The following RELN variants were observed in gnomAD, a reference collection of about 807,000 sequenced individuals.
The protein encoded by RELN is reelin.
In RELN, 108 loss-of-function variants were observed where a neutral mutation model predicts 427.6. The ratio of observed to expected loss-of-function variants is 0.25; its 90% CI spans 0.22 to 0.30. The LOEUF is 0.30. Among genes scored for constraint, RELN ranks in the 10% least tolerant of loss-of-function variants. RELN has a pLI of 1.00. For missense variants in RELN, 3,715 were observed against 4,302.8 expected (o/e 0.86, Z 3.82); for synonymous variants, 1,524 against 1,513.4 (o/e 1.01, Z -0.16).
chr7:103,971,438 A>G (rs1476276978), intron 1 of RELN, among the ~76,000 whole-genome samples: 1 of 152,234 alleles, frequency 6.6e-6, no homozygotes, highest in Non-Finnish European at 1.5e-5. Flanking sequence ...TTTAACAGAT[A>G]ATTCATACAC....
chr7:103,601,419 A>T (rs1375654034), intron 24 of RELN, among the ~76,000 whole-genome samples: 4 of 152,164 alleles, frequency 2.6e-5, no homozygotes, highest in Non-Finnish European at 5.9e-5. Flanking sequence ...CTTCACCTGC[A>T]TTAAAACAAA....
At chr7:103,597,827 A>G (rs1831573401) in intron 24 of RELN, among the ~76,000 whole-genome samples, 1 of 152,210 alleles carries the variant, frequency 6.6e-6, no homozygotes, top group African/African-American at 2.4e-5. Context: ...GGTGTCAGAC[A>G]GAAATTAACA....
rs191502740 is a variant in RELN, at chr7:103,898,731, G to A, written c.337+18344C>T. Among the ~76,000 whole-genome samples the A allele has an allele frequency of 2.6e-5, 4 of 152,100 alleles. No individual in the cohort carries two copies. The East Asian group carries it at 5.8e-4, about 22-fold the overall frequency. On this transcript the variant is annotated intron_variant, in intron 2 of 64. Transcript: ENST00000428762. ...TGAACATTTGTATTTCTTTGTAAAT[G>A]CTCTGAGTTTTTGAGACTTTTCTAT...
chr7:103,492,557 G>A (rs1828708046), intron 57 of RELN, among the ~76,000 whole-genome samples: 2 of 152,020 alleles, frequency 1.3e-5, no homozygotes, highest in South Asian at 4.2e-4. Context: ...TAAAAATTTG[G>A]TGATTCAAAT....
chr7:103,907,429 A>AGG (rs1795237367), intron 2 of RELN, among the ~76,000 whole-genome samples: 2 of 148,278 alleles, frequency 1.3e-5, no homozygotes. Flanking sequence ...AAAAAAAAAA[A>AGG]AAAAAAAAAA....
At chr7:103,770,074 C>CTTTATTTATTTA (rs34771956) in intron 4 of RELN, among the ~76,000 whole-genome samples, 1 of 150,558 alleles carries the variant, frequency 6.6e-6, no homozygotes, top group East Asian at 2.0e-4. Context: ...ATCTTTTTTA[C>CTTTATTTATTTA]TTTATTTATT....
chr7:103,977,310 CAAAAAAAA>C (rs201026012), intron 1 of RELN, among the ~76,000 whole-genome samples: 26 of 88,262 alleles, frequency 2.9e-4, no homozygotes, highest in African/African-American at 8.8e-4. Context: ...GACTCTGTCT[CAAAAAAAA>C]AAAAAAAAAA....
Position 103,540,203 on chromosome 7 carries a change from G to A in RELN, c.6924C>T (p.Ile2308=), listed in dbSNP as rs1186168682. ...TAATCCTGAAGGGACTGACCTGATCGATAACCCAGGGGCTGTAGAAGTGCC... is the reference window on the plus strand; with the variant it reads ...TAATCCTGAAGGGACTGACCTGATCAATAACCCAGGGGCTGTAGAAGTGCC... ...ENGHFYSPWV[I]DQILIGGNIS... is the part of the protein sequence containing the mutation. Residue 2308 remains isoleucine, a synonymous_variant, in exon 44 of 65, where the codon ATC becomes ATT. Coordinates refer to ENST00000428762, the MANE Select transcript of RELN (RefSeq NM_005045.4). 3.1e-6 allele frequency: 5 copies of A among 1,614,140 alleles called. No homozygotes were observed. Among genetic ancestry groups the A allele is most frequent in the Non-Finnish European group, 4.2e-6 (5 of 1,180,016 alleles).
chr7:103,815,303 G>T (rs954952729), intron 3 of RELN, among the ~76,000 whole-genome samples: 7 of 152,098 alleles, frequency 4.6e-5, no homozygotes, highest in African/African-American at 1.7e-4. Context: ...TACACATAAT[G>T]AATCAACAGT....
In RELN at chr7:103,565,415, G is replaced by T. The variant is rs780157432; in HGVS notation, c.5073C>A (p.Gly1691=). 6.2e-7 allele frequency: 1 copy of T among 1,614,082 alleles called. No homozygotes were observed. The highest frequency in any genetic ancestry group is 8.5e-7 in the Non-Finnish European group (1 of 1,180,006). ...CTTCGGTGACAAGATGCCAGTCCTTGCCATTGTTCAGAGAATACTGGAGCT... is the reference window on the plus strand; with the variant it reads ...CTTCGGTGACAAGATGCCAGTCCTTTCCATTGTTCAGAGAATACTGGAGCT... ...SVQLQYSLNN[G]KDWHLVTEEC... The change falls in exon 34 of 65, where the codon GGC becomes GGA. Residue 1691 remains glycine (G), a synonymous_variant. Transcript: ENST00000428762.
At chr7:103,956,868 C>A (rs1584399632) in intron 1 of RELN, among the ~76,000 whole-genome samples, 1 of 152,152 alleles carries the variant, frequency 6.6e-6, no homozygotes. Flanking sequence ...TTAGAAATGA[C>A]TGTCAAAGAG....
intron 1 of RELN, among the ~76,000 whole-genome samples, chr7:103,944,364 T>C (rs1180063183): frequency 6.6e-6 from 1 of 152,140 alleles, no homozygotes; most frequent in Non-Finnish European, 1.5e-5. Flanking sequence ...TCTGACACCG[T>C]GTTCTCCTTG....
At chr7:103,732,019 T>C (rs1442389272) in intron 6 of RELN, among the ~76,000 whole-genome samples, 1 of 152,120 alleles carries the variant, frequency 6.6e-6, no homozygotes, top group African/African-American at 2.4e-5. Flanking sequence ...TCCACAGCCG[T>C]ATGTGACTAG....
At chr7:103,571,669 C>A (rs1367959384) in intron 31 of RELN, among the ~76,000 whole-genome samples, 2 of 152,156 alleles carry the variant, frequency 1.3e-5, no homozygotes, top group Non-Finnish European at 2.9e-5. Context: ...TGAATTAACA[C>A]CAGTAAAACA....
chr7:103,729,802 T>A (rs1790307042), intron 6 of RELN, among the ~76,000 whole-genome samples: 1 of 152,270 alleles, frequency 6.6e-6, no homozygotes, highest in Non-Finnish European at 1.5e-5. Context: ...TCTAAAGAAC[T>A]TAGAATAGTG....
At chr7:103,814,214 A>G (rs1792814128) in intron 3 of RELN, among the ~76,000 whole-genome samples, 1 of 152,220 alleles carries the variant, frequency 6.6e-6, no homozygotes, top group Admixed American at 6.5e-5. Context: ...TGCTTATTTC[A>G]TAAGACTGTT....
rs1797140126 is a variant in RELN at position 103,988,026 on chromosome 7, A to T, written c.226+1105T>A. Reference sequence around the variant, plus strand: ...TCTATCTTAAGTGCTAGCACCCCGTAGATTATCTCCCGCCATGCCAATGAT... The same window carrying T: ...TCTATCTTAAGTGCTAGCACCCCGTTGATTATCTCCCGCCATGCCAATGAT... On this transcript the variant is annotated intron_variant, in intron 1 of 64. Transcript: ENST00000428762. The surrounding 1 kb of genome is among the most constrained non-coding windows in gnomAD (Gnocchi z 4.9). Among the ~76,000 whole-genome samples the T allele has an allele frequency of 6.6e-6, 1 of 152,210 alleles. No individual in the cohort carries two copies. Among genetic ancestry groups the T allele is most frequent in the South Asian group, 2.1e-4 (1 of 4,824 alleles).
At chr7:103,538,245 C>T (rs918919596) in intron 45 of RELN, among the ~76,000 whole-genome samples, 2 of 152,186 alleles carry the variant, frequency 1.3e-5, no homozygotes, top group African/African-American at 4.8e-5. Flanking sequence ...CCAAATTCCT[C>T]AAATTTCTGC....
At chr7:103,732,428 G>A (rs1790377059) in intron 6 of RELN, among the ~76,000 whole-genome samples, 1 of 152,000 alleles carries the variant, frequency 6.6e-6, no homozygotes, top group Non-Finnish European at 1.5e-5. Flanking sequence ...CCATTAAGGT[G>A]ATCTTCCTAA....
Sources: allele counts gnomAD v4.1 joint callset (sites outside exome capture counted in the v4.1 genomes callset), GRCh38; gene constraint gnomAD v4.1.1; non-coding constraint Gnocchi (gnomAD v3.1); transcripts MANE v1.5; gene names NCBI Gene and HGNC (gene_info 2026-07-23, HGNC 2026-07-21).